The following MACC1 variants were observed in gnomAD, a reference collection of about 807,000 sequenced individuals.
MACC1 encodes the protein MET transcriptional regulator MACC1, also known as metastasis-associated in colon cancer protein 1.
MACC1 carries 79 observed loss-of-function variants against 70.7 expected under a neutral mutation model. The observed-to-expected ratio is 1.12, with a 90% CI of 0.93 to 1.35. MACC1 has a LOEUF of 1.35. Among genes scored for constraint, MACC1 ranks in the 40% most tolerant of loss-of-function variants. The pLI is 0.00. For missense variants in MACC1, 1,106 were observed against 978.1 expected (o/e 1.13, Z -1.74); for synonymous variants, 361 against 347.2 (o/e 1.04, Z -0.44).
At chr7:20,144,887 C>T (rs185740392) in intron 6 of MACC1, among the ~76,000 whole-genome samples, 19 of 152,154 alleles carry the variant, frequency 1.2e-4, no homozygotes, top group South Asian at 2.1e-4. Context: ...GAGAAATAGA[C>T]GCAATAAAAG....
chr7:20,203,846 A>G (rs1173374283), intron 1 of MACC1, among the ~76,000 whole-genome samples: 1 of 152,186 alleles, frequency 6.6e-6, no homozygotes, highest in Non-Finnish European at 1.5e-5. Flanking sequence ...CTATGCAAAA[A>G]TGATCATTGT....
In MACC1 at chr7:20,140,593, C is replaced by G. The variant is rs1781781399; in HGVS notation, c.*353G>C. ...TTGACTTAGTAAATTTAAAATAACA[C>G]TGAAAGAGAGAGAGGGCACTTTTCT... On this transcript the variant is annotated 3_prime_UTR_variant, in exon 7 of 7. Transcript: ENST00000400331. The G allele has an allele frequency of 5.5e-6, 1 of 180,482 alleles. No individual in the cohort carries two copies. Among genetic ancestry groups the G allele is most frequent in the Admixed American group, 6.2e-5 (1 of 16,126 alleles). The allele number at this position is 180,482 out of a possible 1,614,324, so 11.2% of individuals were successfully genotyped here.
intron 1 of MACC1, among the ~76,000 whole-genome samples, chr7:20,194,614 A>G (rs1186112158): frequency 2.6e-5 from 4 of 152,206 alleles, no homozygotes; most frequent in African/African-American, 7.2e-5. Flanking sequence ...TATTAAGCAA[A>G]TCCATCTCAG....
intron 1 of MACC1, among the ~76,000 whole-genome samples, chr7:20,176,918 G>C (rs28605578): frequency 0.14 from 21,475 of 152,176 alleles, 1,665 homozygotes; most frequent in African/African-American, 0.19. Context: ...GGATGGTGAA[G>C]GGAAGAGGAG....
intron 1 of MACC1, among the ~76,000 whole-genome samples, chr7:20,206,182 A>G (rs935232315): frequency 6.6e-6 from 1 of 151,574 alleles, no homozygotes; most frequent in African/African-American, 2.4e-5. Flanking sequence ...TCCTGATCCC[A>G]TCTTCACCAC....
intron 1 of MACC1, among the ~76,000 whole-genome samples, chr7:20,186,696 A>T (rs1562596256): frequency 6.6e-6 from 1 of 152,128 alleles, no homozygotes; most frequent in African/African-American, 2.4e-5. Context: ...CTTATAAAAG[A>T]TTCCTTAGGG....
chr7:20,152,022 G>A (rs1781986787), intron 6 of MACC1, among the ~76,000 whole-genome samples: 1 of 152,170 alleles, frequency 6.6e-6, no homozygotes, highest in African/African-American at 2.4e-5. Flanking sequence ...TGCCCCATGA[G>A]TTTTTATTGA....
intron 1 of MACC1, among the ~76,000 whole-genome samples, chr7:20,172,018 G>A (rs972110048): frequency 1.3e-4 from 20 of 152,248 alleles, no homozygotes; most frequent in Admixed American, 7.2e-4. Flanking sequence ...AGGGAAATAC[G>A]AAATAAAAAG....
chr7:20,198,925 G>C (rs375617910), intron 1 of MACC1, among the ~76,000 whole-genome samples: 10 of 152,334 alleles, frequency 6.6e-5, no homozygotes, highest in African/African-American at 2.4e-4. Flanking sequence ...CAGAAGAGTG[G>C]TGCTGAGACT....
At chr7:20,217,240 T>C (rs1384262421) in intron 1 of MACC1, 59 bp downstream of exon 1, 3 of 152,240 alleles carry the variant, frequency 2.0e-5, no homozygotes, top group African/African-American at 7.2e-5. Flanking sequence ...TACAACTTCC[T>C]AGTGTGTAGC....
chr7:20,181,369 A>G (rs1241728159), intron 1 of MACC1, among the ~76,000 whole-genome samples: 4 of 152,072 alleles, frequency 2.6e-5, no homozygotes, highest in African/African-American at 9.7e-5. Flanking sequence ...ATTCCACTGA[A>G]TATTAGATTA....
At chr7:20,149,880 C>CAG (rs1781949357) in intron 6 of MACC1, among the ~76,000 whole-genome samples, 2 of 152,166 alleles carry the variant, frequency 1.3e-5, no homozygotes, top group African/African-American at 2.4e-5. Flanking sequence ...TAGTATAATA[C>CAG]AGTGGTTAGG....
In MACC1 at chr7:20,137,503, A is replaced by C. The variant is rs1289367826; in HGVS notation, c.*3443T>G. 6.6e-6 allele frequency: 1 copy of C among 152,208 alleles called. No homozygotes were observed. The highest frequency in any genetic ancestry group is 1.9e-4 in the East Asian group (1 of 5,198). 9.4% of individuals were successfully genotyped at this position (152,208 alleles called of 1,614,324 possible). On this transcript the variant is annotated 3_prime_UTR_variant, in exon 7 of 7. Transcript: ENST00000400331. ...CTGTGGCTTATACAGAAAAATTATTATGTTTCAAGCTGGGCACTTAATTCA... is the reference window on the plus strand; with the variant it reads ...CTGTGGCTTATACAGAAAAATTATTCTGTTTCAAGCTGGGCACTTAATTCA...
intron 1 of MACC1, among the ~76,000 whole-genome samples, chr7:20,189,760 C>T (rs986990244): frequency 6.6e-6 from 1 of 151,844 alleles, no homozygotes; most frequent in Non-Finnish European, 1.5e-5. Flanking sequence ...AACACACACA[C>T]ACACACACAC....
At chr7:20,180,938 T>C (rs991331761) in intron 1 of MACC1, among the ~76,000 whole-genome samples, 1 of 151,864 alleles carries the variant, frequency 6.6e-6, no homozygotes, top group Non-Finnish European at 1.5e-5. Flanking sequence ...TGTATAGAAA[T>C]AAAGGAAACT....
In MACC1 at chr7:20,161,734, A is replaced by C. The variant is rs779734538; in HGVS notation, c.115+14T>G. 29 of 1,513,186 alleles carry C rather than the reference A, an allele frequency of 1.9e-5. 1 individual carries two copies. In the South Asian group the frequency reaches 3.1e-4, roughly 16 times the overall value. 93.7% of individuals were successfully genotyped at this position (1,513,186 alleles called of 1,614,324 possible). ...CTTACATGGACAAATCACAACAGTT[A>C]TAAATTCCCATACCTGTAATATTGC... On this transcript the variant is annotated intron_variant, in intron 4 of 6. Coordinates refer to ENST00000400331, the MANE Select transcript of MACC1 (RefSeq NM_182762.4).
Position 20,134,819 on chromosome 7 carries a change from G to A in MACC1, c.*6127C>T, listed in dbSNP as rs1456900981. On this transcript the variant is annotated 3_prime_UTR_variant, in exon 7 of 7. Coordinates refer to ENST00000400331, the MANE Select transcript of MACC1 (RefSeq NM_182762.4). ...TATCTTTAAGAACAGAGAAAAGGAA[G>A]CCATAGATTCTTCCAATCACCCAAA... The A allele has an allele frequency of 3.9e-5, 6 of 152,174 alleles. No individual in the cohort carries two copies. Among genetic ancestry groups the A allele is most frequent in the Admixed American group, 3.9e-4 (6 of 15,278 alleles). The allele number at this position is 152,174 out of a possible 1,614,324, so 9.4% of individuals were successfully genotyped here. A position where few individuals can be genotyped will look rare whatever the true frequency, so the allele number is the denominator to read the frequency against.
At chr7:20,172,215 C>T (rs1380188496) in intron 1 of MACC1, among the ~76,000 whole-genome samples, 1 of 152,054 alleles carries the variant, frequency 6.6e-6, no homozygotes, top group Non-Finnish European at 1.5e-5. Context: ...ACACAGCTGC[C>T]CAAATGAACA....
At chr7:20,213,208 A>G (rs192038788) in intron 1 of MACC1, among the ~76,000 whole-genome samples, 27 of 152,336 alleles carry the variant, frequency 1.8e-4, no homozygotes, top group Admixed American at 1.8e-3. Context: ...AGAAATACAA[A>G]TCAAAACCAC....
Sources: gnomAD v4.1 joint callset for allele counts (sites outside exome capture counted in the v4.1 genomes callset) on GRCh38, gnomAD v4.1.1 for gene constraint, MANE v1.5 for transcripts, NCBI Gene and HGNC (gene_info 2026-07-23, HGNC 2026-07-21) for gene names.